COL4A2: variants seen among roughly 807,000 people sequenced by gnomAD.
The protein encoded by COL4A2 is collagen alpha-2(IV) chain.
A neutral mutation model predicts 200.2 loss-of-function variants in COL4A2; 99 were observed. That is an observed-to-expected ratio of 0.49 (90% CI 0.42 to 0.58). The LOEUF (loss-of-function observed/expected upper bound fraction) is 0.58. Ranked by LOEUF, COL4A2 falls within the 20% of genes least tolerant of loss-of-function variation. COL4A2 has a pLI of 0.00. For synonymous variants in COL4A2, 897 were observed against 900.6 expected, an observed-to-expected ratio of 1.00 and a Z score of 0.07; for missense variants, 1,950 against 2,314.1, an observed-to-expected ratio of 0.84 and a Z score of 3.23.
intron 4 of COL4A2, among the ~76,000 whole-genome samples, chr13:110,396,174 G>A (rs972086909): frequency 2.0e-5 from 3 of 152,110 alleles, no homozygotes; most frequent in Non-Finnish European, 2.9e-5. Flanking sequence ...TAGTTCCTCC[G>A]ATTATTAACA....
At chr13:110,493,756 A>G (rs1183498644) in intron 39 of COL4A2, among the ~76,000 whole-genome samples, 2 of 152,108 alleles carry the variant, frequency 1.3e-5, no homozygotes, top group African/African-American at 4.8e-5. Context: ...AGCCAAAAAC[A>G]ACCAAAATGG....
intron 4 of COL4A2, among the ~76,000 whole-genome samples, chr13:110,357,909 G>T (rs137964943): frequency 6.6e-6 from 1 of 152,214 alleles, no homozygotes; most frequent in Admixed American, 6.5e-5. Context: ...CTCTGTCTGC[G>T]TTGGGGAGTG....
chr13:110,395,624 G>T (rs1879156556), intron 4 of COL4A2, among the ~76,000 whole-genome samples: 1 of 152,188 alleles, frequency 6.6e-6, no homozygotes, highest in African/African-American at 2.4e-5. Context: ...TTCCCCAAAA[G>T]TTTTTGTGCT....
At chr13:110,434,379 CA>C in intron 11 of COL4A2, 21 bp from the exon 12 acceptor site, 1 of 1,604,302 alleles carries the variant, frequency 6.2e-7, no homozygotes, top group Non-Finnish European at 8.5e-7. Context: ...TTAAAACTTA[CA>C]GAAATTATTT....
intron 8 of COL4A2, 151 bp downstream of exon 8, chr13:110,430,107 C>G: frequency 1.2e-6 from 1 of 810,136 alleles, no homozygotes; most frequent in South Asian, 2.6e-5. Flanking sequence ...CATCTTACTT[C>G]CGATCAGGAT....
At chr13:110,403,191 G>A (rs1429439807) in intron 4 of COL4A2, among the ~76,000 whole-genome samples, 1 of 152,148 alleles carries the variant, frequency 6.6e-6, no homozygotes, top group East Asian at 1.9e-4. Flanking sequence ...GATGTTCTCT[G>A]CTGAACATGT....
chr13:110,314,728 C>T lies in COL4A2; in HGVS notation c.99+6605C>T, dbSNP rs563040386. The stretch of plus-strand genomic sequence containing the variant: ...CTGACAGTGGAGGAGCCCGGTGCTG[C>T]CCATACGCGCTCACCCCTAGGAACG... On this transcript the variant is annotated intron_variant, in intron 3 of 47. Transcript: ENST00000360467. Among the ~76,000 whole-genome samples, 38 of 152,318 alleles carry T rather than the reference C, an allele frequency of 2.5e-4. No individual in the cohort carries two copies. In the South Asian group the frequency reaches 3.7e-3, roughly 15 times the overall value.
At chr13:110,323,795 A>G (rs1390484458) in intron 3 of COL4A2, among the ~76,000 whole-genome samples, 1 of 152,208 alleles carries the variant, frequency 6.6e-6, no homozygotes, top group Admixed American at 6.5e-5. Context: ...AAGCCACACA[A>G]TAGACAGAGC....
intron 40 of COL4A2, among the ~76,000 whole-genome samples, chr13:110,498,695 A>G (rs1452314589): frequency 1.2e-4 from 19 of 152,232 alleles, no homozygotes. Context: ...CTGGAGAAGA[A>G]TATTGTGAAA....
chr13:110,510,788 G>A (rs1222215156), intron 47 of COL4A2, among the ~76,000 whole-genome samples: 2 of 152,226 alleles, frequency 1.3e-5, no homozygotes, highest in Non-Finnish European at 2.9e-5. Context: ...CTCGTTCTGG[G>A]AGTCCCAGGT....
chr13:110,503,227 C>T lies in COL4A2; in HGVS notation c.3984C>T (p.Ala1328=), dbSNP rs538131418. Residue 1328 remains alanine (A), a synonymous_variant, in exon 42 of 48, where the codon GCC becomes GCT. Coordinates refer to ENST00000360467, the MANE Select transcript of COL4A2 (RefSeq NM_001846.4). ...APGTPGTKGW[A]GDSGPQGRPG... is the part of the protein sequence containing the mutation. ...GAACCCCAGGGACCAAAGGATGGGCCGGGGACTCCGGGCCCCAGGGCAGGC... is the reference window on the plus strand; with the variant it reads ...GAACCCCAGGGACCAAAGGATGGGCTGGGGACTCCGGGCCCCAGGGCAGGC... 1.1e-4 allele frequency: 179 copies of T among 1,613,754 alleles called. 2 individuals are homozygous for T. In the South Asian group the frequency reaches 1.7e-3, roughly 16 times the overall value.
chr13:110,425,129 T>C, intron 6 of COL4A2, 132 bp downstream of exon 6: 5 of 1,008,836 alleles, frequency 5.0e-6, no homozygotes, highest in Non-Finnish European at 7.4e-6. Flanking sequence ...GGACTATACG[T>C]GCGTATTCTC....
chr13:110,333,898 GA>G (rs1221866495), intron 3 of COL4A2, among the ~76,000 whole-genome samples: 1 of 152,228 alleles, frequency 6.6e-6, no homozygotes, highest in Non-Finnish European at 1.5e-5. Flanking sequence ...GTGACCTTTA[GA>G]TTAACCCTCT....
intron 40 of COL4A2, among the ~76,000 whole-genome samples, chr13:110,498,017 G>C (rs1479854027): frequency 1.3e-5 from 2 of 152,090 alleles, no homozygotes; most frequent in Non-Finnish European, 2.9e-5. Context: ...AGGATCTGGG[G>C]TCAGTCCACC....
intron 4 of COL4A2, among the ~76,000 whole-genome samples, chr13:110,392,929 T>G (rs1879041539): frequency 6.6e-6 from 1 of 152,216 alleles, no homozygotes; most frequent in Non-Finnish European, 1.5e-5. Flanking sequence ...AGGTGGTTGA[T>G]TTTCATCCTC....
rs9583494 is a variant in COL4A2, at chr13:110,443,366, A to G, written c.958-2463A>G. On this transcript the variant is annotated intron_variant, in intron 16 of 47. Transcript: ENST00000360467. ...AGCAGACTGCTTTTAAGCTTTAGAA[A>G]CATGCATCTCCCTAAAAAAGCCTAG... Among the ~76,000 whole-genome samples, 1,071 of 152,292 alleles carry G rather than the reference A, an allele frequency of 7.0e-3. 9 individuals are homozygous for G. Among genetic ancestry groups the G allele is most frequent in the African/African-American group, 0.022 (918 of 41,558 alleles).
chr13:110,324,570 G>T (rs11841291), intron 3 of COL4A2, among the ~76,000 whole-genome samples: 1 of 152,114 alleles, frequency 6.6e-6, no homozygotes, highest in Non-Finnish European at 1.5e-5. Flanking sequence ...AGCACTGCCC[G>T]AACGGATGCA....
intron 40 of COL4A2, among the ~76,000 whole-genome samples, chr13:110,501,251 T>A (rs775281810): frequency 1.3e-5 from 2 of 152,244 alleles, no homozygotes; most frequent in African/African-American, 4.8e-5. Context: ...ATGTCAATTG[T>A]AAGCCTCATT....
chr13:110,506,970 A>G lies in COL4A2; in HGVS notation c.4594+364A>G, dbSNP rs376593933. ...GACTTGGAGTCAGGCAGGGGCCATG[A>G]GGGGCTGGGGTTCATGTAAGACTCT... On this transcript the variant is annotated intron_variant, in intron 46 of 47. Transcript: ENST00000360467. Among the ~76,000 whole-genome samples, 6 of 152,266 alleles carry G rather than the reference A, an allele frequency of 3.9e-5. No homozygotes were observed. In the East Asian group the frequency reaches 5.8e-4, roughly 15 times the overall value.
Sources: allele counts gnomAD v4.1 joint callset (sites outside exome capture counted in the v4.1 genomes callset), GRCh38; gene constraint gnomAD v4.1.1; transcripts MANE v1.5; gene names NCBI Gene and HGNC (gene_info 2026-07-23, HGNC 2026-07-21).